WDR70: variants seen among roughly 807,000 people sequenced by gnomAD.
The protein encoded by WDR70 is WD repeat domain 70.
In WDR70, 53 loss-of-function variants were observed where a neutral mutation model predicts 88.6. The ratio of observed to expected loss-of-function variants is 0.60; its 90% CI spans 0.48 to 0.75. The LOEUF is 0.75. WDR70 is among the 30% of genes least tolerant of loss of function. WDR70 has a pLI of 0.00. For synonymous variants in WDR70, 280 were observed against 270.0 expected (o/e 1.04, Z -0.36); for missense variants, 610 against 823.2 (o/e 0.74, Z 3.17).
Position 37,692,665 on chromosome 5 carries a change from G to C in WDR70, c.1093-4990G>C, listed in dbSNP as rs879083249. On this transcript the variant is annotated intron_variant, in intron 10 of 17. Transcript: ENST00000265107. ...AAAAGGTCTTCAACAAAATTCAGCA[G>C]CCCTTCATGAGAAAACCTCTCAATA... Among the ~76,000 whole-genome samples, 3 of 152,190 alleles carry C rather than the reference G, an allele frequency of 2.0e-5. No individual in the cohort carries two copies. The East Asian group carries it at 5.8e-4, about 29-fold the overall frequency.
intron 5 of WDR70, among the ~76,000 whole-genome samples, chr5:37,397,956 A>T (rs1317651701): frequency 6.6e-6 from 1 of 150,672 alleles, no homozygotes; most frequent in East Asian, 2.0e-4. Context: ...AGATTGCACC[A>T]CTGCTCTCCA....
At chr5:37,452,657 T>G (rs1274363484) in intron 7 of WDR70, among the ~76,000 whole-genome samples, 2 of 152,212 alleles carry the variant, frequency 1.3e-5, no homozygotes, top group Admixed American at 1.3e-4. Context: ...CCCCACATCT[T>G]TTTGTCACTG....
chr5:37,726,769 T>C, intron 16 of WDR70, 114 bp from the exon 17 acceptor site: 1 of 1,107,074 alleles, frequency 9.0e-7, no homozygotes. Context: ...GCTGAAAGGA[T>C]GAAATTTAAG....
At chr5:37,411,806 A>G (rs1749533926) in intron 5 of WDR70, among the ~76,000 whole-genome samples, 2 of 152,006 alleles carry the variant, frequency 1.3e-5, no homozygotes, top group Admixed American at 1.3e-4. Flanking sequence ...GTTATAAACC[A>G]CACTGTCCCA....
Position 37,415,311 on chromosome 5 carries a change from G to A in WDR70, c.492+18741G>A, listed in dbSNP as rs550124665. On this transcript the variant is annotated intron_variant, in intron 5 of 17. Coordinates refer to ENST00000265107, the MANE Select transcript of WDR70 (RefSeq NM_018034.4). The stretch of plus-strand genomic sequence containing the variant: ...GAGCTGTTGGGTACACCTCCCAGAC[G>A]GGGTGGTGGCCGGGCAGAGGGGCTC... Among the ~76,000 whole-genome samples the A allele has an allele frequency of 7.3e-5, 11 of 150,928 alleles. No individual in the cohort carries two copies. The South Asian group carries it at 8.4e-4, about 12-fold the overall frequency.
intron 13 of WDR70, among the ~76,000 whole-genome samples, chr5:37,707,365 A>T (rs1211497632): frequency 3.3e-5 from 5 of 152,212 alleles, no homozygotes; most frequent in Non-Finnish European, 7.3e-5. Context: ...GGAGGAAAGG[A>T]AAAAAGCCAG....
intron 5 of WDR70, among the ~76,000 whole-genome samples, chr5:37,420,423 T>A (rs2111989141): frequency 6.6e-6 from 1 of 152,220 alleles, no homozygotes; most frequent in South Asian, 2.1e-4. Flanking sequence ...GTGCCAATCT[T>A]GAAAAAGATT....
At chr5:37,701,556 G>A (rs190197580) in intron 12 of WDR70, among the ~76,000 whole-genome samples, 47 of 152,210 alleles carry the variant, frequency 3.1e-4, no homozygotes, top group South Asian at 1.2e-3. Context: ...TTGGGAGGCC[G>A]AGGCGGGCAG....
intron 8 of WDR70, among the ~76,000 whole-genome samples, chr5:37,513,371 G>A (rs559967079): frequency 6.6e-6 from 1 of 152,286 alleles, no homozygotes; most frequent in African/African-American, 2.4e-5. Context: ...CGTAGGGAAA[G>A]CATATAAGAA....
intron 13 of WDR70, among the ~76,000 whole-genome samples, chr5:37,703,826 A>G (rs1453640694): frequency 1.3e-5 from 2 of 152,340 alleles, no homozygotes; most frequent in South Asian, 2.1e-4. Context: ...TGAGTATGAA[A>G]CAGGCCAATT....
intron 9 of WDR70, among the ~76,000 whole-genome samples, chr5:37,522,666 C>A (rs943885274): frequency 2.0e-5 from 3 of 152,060 alleles, no homozygotes; most frequent in African/African-American, 7.2e-5. Context: ...TGAACGTGAG[C>A]CAAAGCAGGG....
At position 37,481,115 on chromosome 5, in the gene WDR70, T is replaced by C. The variant is rs190019095; in HGVS notation, c.840+1128T>C. On this transcript the variant is annotated intron_variant, in intron 8 of 17. Coordinates refer to ENST00000265107, the MANE Select transcript of WDR70 (RefSeq NM_018034.4). Reference sequence around the variant, plus strand: ...CTTGGGCAGCCCCGCCCCTGTGGCTTTGCAGGGTACAGCCCCCCTTCTGGC... The same window carrying C: ...CTTGGGCAGCCCCGCCCCTGTGGCTCTGCAGGGTACAGCCCCCCTTCTGGC... Among the ~76,000 whole-genome samples, 56 of 152,328 alleles carry C rather than the reference T, an allele frequency of 3.7e-4. 1 individual carries two copies. In the East Asian group the frequency reaches 0.011, roughly 29 times the overall value.
chr5:37,657,332 C>T lies in WDR70; in HGVS notation c.1093-40323C>T, dbSNP rs552328366. Among the ~76,000 whole-genome samples the T allele has an allele frequency of 5.3e-5, 8 of 152,280 alleles. No individual in the cohort carries two copies. The South Asian group carries it at 1.7e-3, about 32-fold the overall frequency. On this transcript the variant is annotated intron_variant, in intron 10 of 17. Transcript: ENST00000265107. ...TCGTGGGCTGTACCCACTGTCTAACCAGTCCCAATGAGATAAGCCAGGTAC... is the reference window on the plus strand; with the variant it reads ...TCGTGGGCTGTACCCACTGTCTAACTAGTCCCAATGAGATAAGCCAGGTAC...
chr5:37,542,041 T>C (rs1002911998), intron 9 of WDR70, among the ~76,000 whole-genome samples: 28 of 152,124 alleles, frequency 1.8e-4, no homozygotes, highest in African/African-American at 6.3e-4. Context: ...TAAATTCTTT[T>C]TATGAAAAAG....
At chr5:37,687,817 C>G (rs1746656862) in intron 10 of WDR70, 1 of 493,194 alleles carries the variant, frequency 2.0e-6, no homozygotes, top group Admixed American at 3.1e-5. Flanking sequence ...GTCTTTCTAC[C>G]TTAGAATCCC....
chr5:37,486,533 C>T (rs1286768607), intron 8 of WDR70, among the ~76,000 whole-genome samples: 1 of 151,926 alleles, frequency 6.6e-6, no homozygotes, highest in Non-Finnish European at 1.5e-5. Context: ...TTAGTAGACA[C>T]GGGGTTTCGC....
intron 9 of WDR70, among the ~76,000 whole-genome samples, chr5:37,567,005 T>G (rs1742764033): frequency 6.6e-6 from 1 of 152,160 alleles, no homozygotes; most frequent in African/African-American, 2.4e-5. Context: ...GAACCTGGGG[T>G]CTCCAAAATT....
At chr5:37,706,735 ACACG>A (rs1288112762) in intron 13 of WDR70, among the ~76,000 whole-genome samples, 4 of 123,878 alleles carry the variant, frequency 3.2e-5, no homozygotes, top group African/African-American at 1.0e-4. Context: ...ACACACACAC[ACACG>A]CACACAGACT....
intron 8 of WDR70, among the ~76,000 whole-genome samples, chr5:37,481,195 TA>T (rs1309298932): frequency 6.6e-6 from 1 of 152,218 alleles, no homozygotes; most frequent in Non-Finnish European, 1.5e-5. Flanking sequence ...TCAGTGGATC[TA>T]CCATTCTGGG....
Sources: gnomAD v4.1 joint callset for allele counts (sites outside exome capture counted in the v4.1 genomes callset) on GRCh38, gnomAD v4.1.1 for gene constraint, MANE v1.5 for transcripts, NCBI Gene and HGNC (gene_info 2026-07-23, HGNC 2026-07-21) for gene names.